The following CFAP210 variants were observed in gnomAD, a reference collection of about 807,000 sequenced individuals.
The protein encoded by CFAP210 is cilia and flagella associated protein 210.
At chr2:169,650,457 C>G in the CFAP210 span, 1 of 1,604,574 alleles carries the variant, frequency 6.2e-7, no homozygotes, top group African/African-American at 1.3e-5. Flanking sequence ...TCTTCATTGT[C>G]AAGTTTCTCT....
the CFAP210 span, chr2:169,662,429 C>T: frequency 3.2e-6 from 5 of 1,578,482 alleles, no homozygotes; most frequent in African/African-American, 1.4e-5. Context: ...TCCTCATGTT[C>T]CTTTATTCTA....
the CFAP210 span, among the ~76,000 whole-genome samples, chr2:169,667,612 A>C: frequency 2.0e-5 from 3 of 152,148 alleles, no homozygotes; most frequent in Non-Finnish European, 4.4e-5. Context: ...TGGGCTGCAG[A>C]ATGGACGTTA....
At chr2:169,692,850 A>G in the CFAP210 span, among the ~76,000 whole-genome samples, 1 of 152,174 alleles carries the variant, frequency 6.6e-6, no homozygotes. Flanking sequence ...ACCAGTTGCT[A>G]AGTCACTATT....
the CFAP210 span, among the ~76,000 whole-genome samples, chr2:169,652,718 G>A: frequency 5.3e-5 from 8 of 151,856 alleles, no homozygotes; most frequent in Admixed American, 1.3e-4. Flanking sequence ...AAAAATAGCC[G>A]GGCGCAGTGG....
At chr2:169,692,492 C>CAGAGAG in the CFAP210 span, among the ~76,000 whole-genome samples, 1 of 147,396 alleles carries the variant, frequency 6.8e-6, no homozygotes, top group African/African-American at 2.5e-5. Context: ...CACACAGAGA[C>CAGAGAG]AGAGAGAGAG....
the CFAP210 span, among the ~76,000 whole-genome samples, chr2:169,670,409 C>CT: frequency 6.6e-6 from 1 of 152,166 alleles, no homozygotes; most frequent in Non-Finnish European, 1.5e-5. Flanking sequence ...AAAATTTTCA[C>CT]TTTCAGGCAC....
chr2:169,647,413 T>C, the CFAP210 span, among the ~76,000 whole-genome samples: 4 of 151,956 alleles, frequency 2.6e-5, no homozygotes, highest in Admixed American at 2.0e-4. Context: ...CATAAATATA[T>C]AAAGAAAAAG....
chr2:169,694,317 G>A, the CFAP210 span: 1 of 1,614,038 alleles, frequency 6.2e-7, no homozygotes, highest in Non-Finnish European at 8.5e-7. Flanking sequence ...CATCTCTGAC[G>A]AGGTGTCCAT....
the CFAP210 span, chr2:169,675,090 T>C: frequency 6.2e-4 from 805 of 1,297,446 alleles, 4 homozygotes; most frequent in African/African-American, 0.011. Flanking sequence ...AATTTAATTT[T>C]ACTACAGTTT....
the CFAP210 span, among the ~76,000 whole-genome samples, chr2:169,671,998 TC>T: frequency 6.6e-6 from 1 of 152,228 alleles, no homozygotes; most frequent in Non-Finnish European, 1.5e-5. Context: ...ATGCTCCTCT[TC>T]CCAACTCAGG....
At chr2:169,650,486 A>C in the CFAP210 span, 1 of 1,588,156 alleles carries the variant, frequency 6.3e-7, no homozygotes, top group South Asian at 1.2e-5. Context: ...TTCACTCAGG[A>C]AGTTATGTAT....
At chr2:169,650,478 CACT>C in the CFAP210 span, 2 of 1,594,854 alleles carry the variant, frequency 1.3e-6, no homozygotes, top group Admixed American at 3.6e-5. Context: ...TTCAACAGTT[CACT>C]CAGGAAGTTA....
the CFAP210 span, among the ~76,000 whole-genome samples, chr2:169,657,580 T>G: frequency 6.6e-6 from 1 of 151,880 alleles, no homozygotes; most frequent in East Asian, 1.9e-4. Flanking sequence ...TAGCCGGGTA[T>G]GTGGCACATG....
At chr2:169,671,129 G>T in the CFAP210 span, among the ~76,000 whole-genome samples, 1 of 152,102 alleles carries the variant, frequency 6.6e-6, no homozygotes, top group Non-Finnish European at 1.5e-5. Flanking sequence ...ACCATGAGCC[G>T]ATCCTAGCCT....
chr2:169,668,860 G>A, the CFAP210 span, among the ~76,000 whole-genome samples: 2 of 152,240 alleles, frequency 1.3e-5, no homozygotes, highest in African/African-American at 2.4e-5. Flanking sequence ...GAAATACAGC[G>A]AGAGTTACCA....
the CFAP210 span, chr2:169,645,602 T>G: frequency 2.4e-6 from 1 of 419,956 alleles, no homozygotes; most frequent in African/African-American, 2.0e-5. Flanking sequence ...ATATTTTGAA[T>G]GTACTTAATA....
the CFAP210 span, chr2:169,650,471 A>C: frequency 6.2e-7 from 1 of 1,600,250 alleles, no homozygotes; most frequent in Non-Finnish European, 8.5e-7. Flanking sequence ...TTTCTCTTTC[A>C]ACAGTTCACT....
At chr2:169,663,242 G>A in the CFAP210 span, among the ~76,000 whole-genome samples, 1 of 150,640 alleles carries the variant, frequency 6.6e-6, no homozygotes, top group Non-Finnish European at 1.5e-5. Context: ...CAATATACAG[G>A]CTTTCTCACT....
the CFAP210 span, among the ~76,000 whole-genome samples, chr2:169,677,869 G>A: frequency 6.6e-6 from 1 of 152,120 alleles, no homozygotes; most frequent in African/African-American, 2.4e-5. Flanking sequence ...TAGCCATGTT[G>A]CAGGATACCA....
Sources: gnomAD v4.1 joint callset for allele counts (sites outside exome capture counted in the v4.1 genomes callset) on GRCh38, gnomAD v4.1.1 for gene constraint, MANE v1.5 for transcripts, NCBI Gene and HGNC (gene_info 2026-07-23, HGNC 2026-07-21) for gene names.